Variants in VAV3 observed in about 807,000 individuals in gnomAD.
VAV3 encodes the protein vav guanine nucleotide exchange factor 3, also known as guanine nucleotide exchange factor VAV3.
VAV3 carries 94 observed loss-of-function variants against 131.2 expected under a neutral mutation model. The ratio of observed to expected loss-of-function variants is 0.72; its 90% CI spans 0.61 to 0.85. VAV3 has a LOEUF of 0.85. Among genes scored for constraint, VAV3 ranks in the 40% least tolerant of loss-of-function variants. The pLI is 0.00. For missense variants in VAV3, 939 were observed against 1,002.7 expected (o/e 0.94, Z 0.86); for synonymous variants, 349 against 342.0 (o/e 1.02, Z -0.22).
chr1:107,885,312 C>T (rs1170091168), intron 1 of VAV3, among the ~76,000 whole-genome samples: 2 of 151,724 alleles, frequency 1.3e-5, no homozygotes, highest in African/African-American at 2.4e-5. Context: ...GATAATACTG[C>T]TATATGATAT....
At chr1:107,680,398 A>G (rs1025756030) in intron 19 of VAV3, among the ~76,000 whole-genome samples, 19 of 152,200 alleles carry the variant, frequency 1.2e-4, no homozygotes, top group Non-Finnish European at 2.4e-4. Context: ...GGTCTATTTA[A>G]TATTATTCTC....
chr1:107,702,117 G>T (rs11185167), intron 17 of VAV3, among the ~76,000 whole-genome samples: 83,145 of 151,816 alleles, frequency 0.55, 23,982 homozygotes, highest in Non-Finnish European at 0.63. Flanking sequence ...ACAGAAAAGA[G>T]GTTTAATTTG....
rs1317970944 is a variant in VAV3, at chr1:107,952,485, T to TATATACAC, written c.204+12180_204+12181insGTGTATAT. Among the ~76,000 whole-genome samples the TATATACAC allele has an allele frequency of 1.0e-3, 98 of 94,432 alleles. 8 individuals carry two copies. The highest frequency in any genetic ancestry group is 5.7e-3 in the East Asian group (17 of 2,984). 62.0% of individuals were successfully genotyped at this position (94,432 alleles called of 152,430 possible). On this transcript the variant is annotated intron_variant, in intron 1 of 26. Transcript: ENST00000370056. ...ACAAAACTTTATATATATATATATA[T>TATATACAC]ACACACATAAATTCAACCTAAAAAA...
intron 1 of VAV3, among the ~76,000 whole-genome samples, chr1:107,959,786 G>C (rs1005374592): frequency 6.6e-6 from 1 of 151,990 alleles, no homozygotes; most frequent in Non-Finnish European, 1.5e-5. Context: ...CTTGCTCGGC[G>C]TACCCATCTA....
At chr1:107,670,456 C>T (rs12140390) in intron 19 of VAV3, among the ~76,000 whole-genome samples, 22,708 of 152,098 alleles carry the variant, frequency 0.15, 1,962 homozygotes, top group Middle Eastern at 0.23. Context: ...AAATTAAAAC[C>T]TTTGCAAATG....
chr1:107,605,234 A>G (rs1443436598), intron 22 of VAV3, among the ~76,000 whole-genome samples: 1 of 152,208 alleles, frequency 6.6e-6, no homozygotes, highest in Non-Finnish European at 1.5e-5. Context: ...TTGAAATTTA[A>G]GTATTGTTAT....
chr1:107,637,054 T>C (rs1654984716), intron 20 of VAV3, among the ~76,000 whole-genome samples: 1 of 152,102 alleles, frequency 6.6e-6, no homozygotes, highest in South Asian at 2.1e-4. Context: ...CTGGTTCTAT[T>C]AGAAGATCAA....
Position 107,874,898 on chromosome 1 carries a change from T to G in VAV3, c.321+3A>C. On this transcript the variant is annotated splice_donor_region_variant and intron_variant, in intron 2 of 26. Coordinates refer to ENST00000370056, the MANE Select transcript of VAV3 (RefSeq NM_006113.5). ...AGTAGTGTTAAAAATGAAGTATAAT[T>G]ACCTTTCCAAAGTCACGAACATCAA... 6.2e-7 allele frequency: 1 copy of G among 1,611,874 alleles called. No individual in the cohort carries two copies. The highest frequency in any genetic ancestry group is 8.5e-7 in the Non-Finnish European group (1 of 1,178,336).
At chr1:107,802,826 G>C (rs749768568) in intron 2 of VAV3, among the ~76,000 whole-genome samples, 1 of 150,146 alleles carries the variant, frequency 6.7e-6, no homozygotes, top group Non-Finnish European at 1.5e-5. Flanking sequence ...GTCTGGTTTT[G>C]GTATTAGGGT....
chr1:107,636,336 C>T (rs1423997334), intron 20 of VAV3, among the ~76,000 whole-genome samples: 6 of 152,136 alleles, frequency 3.9e-5, no homozygotes, highest in Admixed American at 3.3e-4. Flanking sequence ...CTGGGCAATC[C>T]CTAAATATTT....
intron 2 of VAV3, among the ~76,000 whole-genome samples, chr1:107,868,415 G>A (rs1670102668): frequency 6.6e-6 from 1 of 152,154 alleles, no homozygotes. Flanking sequence ...AGCCAAGAAA[G>A]GCTCAGAAGC....
At chr1:107,726,898 T>G (rs989556806) in intron 15 of VAV3, among the ~76,000 whole-genome samples, 8 of 152,212 alleles carry the variant, frequency 5.3e-5, no homozygotes, top group African/African-American at 1.9e-4. Flanking sequence ...ATGCTATCAT[T>G]GTCTAGTGTG....
intron 19 of VAV3, among the ~76,000 whole-genome samples, chr1:107,679,943 C>T (rs1658485310): frequency 6.6e-6 from 1 of 152,100 alleles, no homozygotes; most frequent in Admixed American, 6.5e-5. Flanking sequence ...GCATCTAATA[C>T]ATTACTATAT....
intron 19 of VAV3, among the ~76,000 whole-genome samples, chr1:107,678,459 CT>C (rs1658372381): frequency 1.3e-5 from 2 of 151,966 alleles, no homozygotes; most frequent in Non-Finnish European, 2.9e-5. Flanking sequence ...ATTTGTCTCC[CT>C]CATAAAAAAG....
At chr1:107,630,954 C>T (rs1006414737) in intron 20 of VAV3, among the ~76,000 whole-genome samples, 2 of 152,080 alleles carry the variant, frequency 1.3e-5, no homozygotes, top group African/African-American at 2.4e-5. Context: ...TCCATATGTC[C>T]AGTCTATGAA....
At chr1:107,837,623 C>G (rs1269060176) in intron 2 of VAV3, among the ~76,000 whole-genome samples, 1 of 152,106 alleles carries the variant, frequency 6.6e-6, no homozygotes, top group Non-Finnish European at 1.5e-5. Flanking sequence ...CATCACATTA[C>G]CCAACTTGAA....
intron 2 of VAV3, among the ~76,000 whole-genome samples, chr1:107,844,874 G>T (rs1668894717): frequency 2.0e-5 from 3 of 152,194 alleles, no homozygotes. Context: ...AGCTGTGGAC[G>T]CAGCTTCAGC....
intron 22 of VAV3, among the ~76,000 whole-genome samples, chr1:107,607,897 T>A (rs752843318): frequency 6.6e-6 from 1 of 152,194 alleles, no homozygotes; most frequent in Non-Finnish European, 1.5e-5. Context: ...AGAACTACCA[T>A]GCCATCAAGC....
chr1:107,643,367 G>T (rs2101515361), intron 19 of VAV3, among the ~76,000 whole-genome samples: 1 of 152,288 alleles, frequency 6.6e-6, no homozygotes, highest in East Asian at 1.9e-4. Flanking sequence ...AATGATATTT[G>T]AAATACAGAT....
Sources: gnomAD v4.1 joint callset for allele counts (sites outside exome capture counted in the v4.1 genomes callset) on GRCh38, gnomAD v4.1.1 for gene constraint, MANE v1.5 for transcripts, NCBI Gene and HGNC (gene_info 2026-07-23, HGNC 2026-07-21) for gene names.